The following DLGAP4 variants were observed in gnomAD, a reference collection of about 807,000 sequenced individuals.
DLGAP4 encodes DLG associated protein 4.
DLGAP4 carries 18 observed loss-of-function variants against 86.9 expected under a neutral mutation model. That is an observed-to-expected ratio of 0.21 (90% CI 0.14 to 0.31). DLGAP4 has a LOEUF of 0.31. DLGAP4 is among the 10% of genes least tolerant of loss of function. DLGAP4 has a pLI of 1.00. For synonymous variants in DLGAP4, 548 were observed against 574.3 expected, an observed-to-expected ratio of 0.95 and a Z score of 0.65; for missense variants, 1,085 against 1,362.6, an observed-to-expected ratio of 0.80 and a Z score of 3.21.
chr20:36,365,199 C>T (rs2030643164), intron 1 of DLGAP4, among the ~76,000 whole-genome samples: 1 of 152,240 alleles, frequency 6.6e-6, no homozygotes, highest in South Asian at 2.1e-4. Flanking sequence ...GCCCCTAGGC[C>T]AGGGCCCTGC....
In DLGAP4 at chr20:36,500,071, G is replaced by C. The variant is rs1053398281; in HGVS notation, c.2100-128G>C. 6 of 1,126,354 alleles carry C rather than the reference G, an allele frequency of 5.3e-6. No homozygotes were observed. Among genetic ancestry groups the C allele is most frequent in the Non-Finnish European group, 1.2e-6 (1 of 804,194 alleles). The allele number at this position is 1,126,354 out of a possible 1,614,324, so 69.8% of individuals were successfully genotyped here. A position where few individuals can be genotyped will look rare whatever the true frequency, so the allele number is the denominator to read the frequency against. On this transcript the variant is annotated intron_variant, in intron 9 of 12. Coordinates refer to ENST00000339266, the MANE Select transcript of DLGAP4 (RefSeq NM_001365621.2). This position sits in a 1 kb window ranked among gnomAD's most constrained non-coding sequence, Gnocchi z 4.6. ...GGGGGCTGTGGGACCCGCTTCAGGC[G>C]CATGGTGAGCAGATGATGCATCCGT...
intron 2 of DLGAP4, among the ~76,000 whole-genome samples, chr20:36,409,632 T>C (rs1299924992): frequency 2.8e-5 from 4 of 143,490 alleles, no homozygotes; most frequent in Admixed American, 6.9e-5. Context: ...GGAGAATCAC[T>C]TGAACCCAGG....
chr20:36,388,727 G>A (rs564813629), intron 2 of DLGAP4, among the ~76,000 whole-genome samples: 1 of 152,344 alleles, frequency 6.6e-6, no homozygotes, highest in Admixed American at 6.5e-5. Context: ...GTTGATGAGA[G>A]ATGTAAATGA....
intron 10 of DLGAP4, among the ~76,000 whole-genome samples, chr20:36,523,293 C>CCTCTCTTAAGACCA (rs2037493055): frequency 1.3e-5 from 2 of 152,180 alleles, no homozygotes; most frequent in Non-Finnish European, 2.9e-5. Context: ...CTATGCCCGG[C>CCTCTCTTAAGACCA]TGATGCCAGC....
chr20:36,526,059 A>G, intron 12 of DLGAP4, 53 bp downstream of exon 12: 1 of 1,611,994 alleles, frequency 6.2e-7, no homozygotes, highest in Non-Finnish European at 8.5e-7. Context: ...CCTGGTCGGC[A>G]ATAACGCTGC....
chr20:36,513,735 C>T (rs2036869306), intron 10 of DLGAP4, among the ~76,000 whole-genome samples: 1 of 151,960 alleles, frequency 6.6e-6, no homozygotes, highest in South Asian at 2.1e-4. Context: ...GAAGATAGAA[C>T]AGGATTTCTC....
rs113192246 is a variant in DLGAP4 at position 36,526,523 on chromosome 20, G to A, written c.2761-290G>A. The stretch of plus-strand genomic sequence containing the variant: ...CTGTGACTCGGGCTAGTTCCTGCCC[G>A]AGTCTCGGGCTCCCGGTGATTCAAC... On this transcript the variant is annotated intron_variant, in intron 12 of 12. Coordinates refer to ENST00000339266, the MANE Select transcript of DLGAP4 (RefSeq NM_001365621.2). Among the ~76,000 whole-genome samples, 8 of 152,156 alleles carry A rather than the reference G, an allele frequency of 5.3e-5. No homozygotes were observed. The East Asian group carries it at 5.8e-4, about 11-fold the overall frequency.
chr20:36,432,473 C>G lies in DLGAP4; in HGVS notation c.756C>G (p.His252Gln). ...ACGCCTACAACACCATCAGTGGGCA[C>G]ATGCTCAAAACCACCAAGAACAACA... Reference protein sequence around the residue: ...FMHAYNTISGHMLKTTKNNTT... With the variant: ...FMHAYNTISGQMLKTTKNNTT... The change falls in exon 3 of 13, where the codon CAC becomes CAG. Residue 252 changes from histidine to glutamine, a missense_variant. Around this residue, in one of 2 missense-constraint regions of DLGAP4, gnomAD observed 1,082 missense variants for 1,344.1 expected, o/e 0.81. Coordinates refer to ENST00000339266, the MANE Select transcript of DLGAP4 (RefSeq NM_001365621.2). The surrounding 1 kb of genome is among the most constrained non-coding windows in gnomAD (Gnocchi z 6.5). 1 of 1,613,652 alleles carries G rather than the reference C, an allele frequency of 6.2e-7. No homozygotes were observed. The highest frequency in any genetic ancestry group is 1.1e-5 in the South Asian group (1 of 91,058).
intron 2 of DLGAP4, among the ~76,000 whole-genome samples, chr20:36,368,779 G>C (rs180792716): frequency 1.3e-5 from 2 of 152,346 alleles, no homozygotes; most frequent in East Asian, 3.9e-4. Flanking sequence ...AGCATTTCTT[G>C]AGCAATTACT....
chr20:36,454,263 A>AG (rs933316708), intron 7 of DLGAP4, among the ~76,000 whole-genome samples: 1 of 151,706 alleles, frequency 6.6e-6, no homozygotes, highest in Non-Finnish European at 1.5e-5. Flanking sequence ...TGTCTCAAAA[A>AG]AAAAAAAAAG....
chr20:36,409,722 AAAAG>A (rs528963761), intron 2 of DLGAP4, among the ~76,000 whole-genome samples: 2,265 of 150,252 alleles, frequency 0.015, 58 homozygotes, highest in South Asian at 0.11. Flanking sequence ...CAAAAAAAAA[AAAAG>A]AAACATAATA....
In DLGAP4 at chr20:36,377,010, G is replaced by A. The variant is rs374929160; in HGVS notation, c.-73+9735G>A. ...CTGGCTGGCACTGGAGCTCCAGATC[G>A]CCACCTGGGCAACTGTGTAAGGACC... On this transcript the variant is annotated intron_variant, in intron 2 of 12. Coordinates refer to ENST00000339266, the MANE Select transcript of DLGAP4 (RefSeq NM_001365621.2). Among the ~76,000 whole-genome samples the A allele has an allele frequency of 2.0e-3, 301 of 152,258 alleles. 6 individuals are homozygous for A. The highest frequency in any genetic ancestry group is 6.8e-3 in the African/African-American group (281 of 41,564).
Position 36,525,229 on chromosome 20 carries a change from AAAAAAAAAAAAAAAAAAAAAAAAAAC to A in DLGAP4, c.2605-618_2605-593del, listed in dbSNP as rs1209730150. On this transcript the variant is annotated intron_variant, in intron 11 of 12. Transcript: ENST00000339266. ...GAGACTCCGTCTCAAAAAAAAAAAAAAAAAAAAAAAAAAAAAAAAAAAAAACAAAGAAATCCCACTGCTGGGATTGG... is the reference window on the plus strand; with the variant it reads ...GAGACTCCGTCTCAAAAAAAAAAAAAAAAGAAATCCCACTGCTGGGATTGG... Among the ~76,000 whole-genome samples the A allele has an allele frequency of 1.9e-3, 146 of 76,028 alleles. 1 individual carries two copies. Among genetic ancestry groups the A allele is most frequent in the Non-Finnish European group, 3.4e-3 (107 of 31,660 alleles). The allele number at this position is 76,028 out of a possible 152,430, so 49.9% of individuals were successfully genotyped here. A position where few individuals can be genotyped will look rare whatever the true frequency, so the allele number is the denominator to read the frequency against.
At chr20:36,348,381 A>C (rs531990335) in intron 1 of DLGAP4, among the ~76,000 whole-genome samples, 256 of 152,320 alleles carry the variant, frequency 1.7e-3, no homozygotes, top group Non-Finnish European at 3.0e-3. Flanking sequence ...GCTGTGAACA[A>C]AAAAGGCAAA....
chr20:36,379,797 CTAA>C (rs1389104720), intron 2 of DLGAP4, among the ~76,000 whole-genome samples: 2 of 152,202 alleles, frequency 1.3e-5, no homozygotes, highest in African/African-American at 4.8e-5. Context: ...CTCACCTGTT[CTAA>C]TAATACCGAA....
chr20:36,379,175 G>A (rs1451814869), intron 2 of DLGAP4, among the ~76,000 whole-genome samples: 1 of 152,204 alleles, frequency 6.6e-6, no homozygotes, highest in Admixed American at 6.5e-5. Context: ...AGCTGGCCCT[G>A]CAAATGCTGG....
At chr20:36,462,350 T>A (rs917469596) in intron 7 of DLGAP4, 2 of 1,372,328 alleles carry the variant, frequency 1.5e-6, no homozygotes, top group Non-Finnish European at 1.9e-6. Context: ...TTGCTCTCCC[T>A]GCCCCTCTGT....
At chr20:36,412,337 A>G (rs1471932245) in intron 2 of DLGAP4, among the ~76,000 whole-genome samples, 2 of 152,220 alleles carry the variant, frequency 1.3e-5, no homozygotes, top group African/African-American at 4.8e-5. Flanking sequence ...TCCTCCCCTA[A>G]GAGGCATCTC....
At chr20:36,326,996 C>CTTTTTTT (rs377378667) in intron 1 of DLGAP4, among the ~76,000 whole-genome samples, 15 of 99,478 alleles carry the variant, frequency 1.5e-4, no homozygotes, top group Non-Finnish European at 2.3e-4. Context: ...AAGATTTTCT[C>CTTTTTTT]TTTTTTTTTT....
Sources: allele counts gnomAD v4.1 joint callset (sites outside exome capture counted in the v4.1 genomes callset), GRCh38; gene constraint gnomAD v4.1.1; regional missense constraint gnomAD v4.1.1; non-coding constraint Gnocchi (gnomAD v3.1); transcripts MANE v1.5; gene names NCBI Gene and HGNC (gene_info 2026-07-23, HGNC 2026-07-21).